Variants in KCNQ3 observed in about 807,000 individuals in gnomAD.
KCNQ3 encodes potassium voltage-gated channel subfamily KQT member 3.
Under a neutral mutation model 92.5 loss-of-function variants are expected in KCNQ3, and 30 were observed. That is an observed-to-expected ratio of 0.32 (90% CI 0.24 to 0.44). The LOEUF is 0.44. Among genes scored for constraint, KCNQ3 ranks in the 20% least tolerant of loss-of-function variants. The pLI, the probability that KCNQ3 is intolerant of heterozygous loss-of-function variation, is 1.00. For synonymous variants in KCNQ3, 450 were observed against 468.8 expected, an observed-to-expected ratio of 0.96 and a Z score of 0.52; for missense variants, 913 against 1,140.3, an observed-to-expected ratio of 0.80 and a Z score of 2.87.
chr8:132,301,260 C>A (rs995737452), intron 1 of KCNQ3, among the ~76,000 whole-genome samples: 1 of 152,108 alleles, frequency 6.6e-6, no homozygotes, highest in African/African-American at 2.4e-5. Context: ...TCTGGCTCAC[C>A]CATCCGACTG....
Position 132,480,269 on chromosome 8 carries a change from C to G in KCNQ3, c.264G>C (p.Leu88=). The G allele has an allele frequency of 6.2e-7, 1 of 1,611,812 alleles. No homozygotes were observed. Among genetic ancestry groups the G allele is most frequent in the Non-Finnish European group, 8.5e-7 (1 of 1,178,936 alleles). The change falls in exon 1 of 15, where the codon CTG becomes CTC. Residue 88 remains leucine (L), a synonymous_variant. Transcript: ENST00000388996. ...CTGGGCGGCTCAGCGGGGTCTTGGC[C>G]AGGAGCCCGATGCCCTGCGGGGTCC... ...QRRTPQGIGL[L]AKTPLSRPVK... is the part of the protein sequence containing the mutation.
intron 1 of KCNQ3, among the ~76,000 whole-genome samples, chr8:132,373,663 C>A (rs1302550090): frequency 2.0e-5 from 3 of 152,152 alleles, no homozygotes; most frequent in African/African-American, 4.8e-5. Context: ...GTCAATTCTG[C>A]CCCTGCTTGC....
chr8:132,314,151 G>A (rs976551727), intron 1 of KCNQ3, among the ~76,000 whole-genome samples: 9 of 152,206 alleles, frequency 5.9e-5, no homozygotes, highest in African/African-American at 2.2e-4. Flanking sequence ...AGACAAGGCT[G>A]TGAAGTGGCT....
chr8:132,231,455 T>C (rs929079793), intron 1 of KCNQ3, among the ~76,000 whole-genome samples: 2 of 152,180 alleles, frequency 1.3e-5, no homozygotes, highest in African/African-American at 4.8e-5. Flanking sequence ...GATTTAAATA[T>C]AGGGATTTGG....
chr8:132,187,807 ATGG>A (rs1166642331), intron 1 of KCNQ3, among the ~76,000 whole-genome samples: 132 of 120,566 alleles, frequency 1.1e-3, no homozygotes, highest in South Asian at 3.5e-3. Flanking sequence ...GGTGATAGTG[ATGG>A]TGGTGGTGGT....
At chr8:132,426,479 A>G (rs778356768) in intron 1 of KCNQ3, among the ~76,000 whole-genome samples, 8 of 152,138 alleles carry the variant, frequency 5.3e-5, no homozygotes, top group Non-Finnish European at 1.0e-4. Context: ...CCCACATGCA[A>G]TCCTCATGGG....
At chr8:132,438,112 CA>C (rs1241648206) in intron 1 of KCNQ3, among the ~76,000 whole-genome samples, 1 of 152,156 alleles carries the variant, frequency 6.6e-6, no homozygotes, top group Non-Finnish European at 1.5e-5. Flanking sequence ...TGTAAGGACT[CA>C]ATTATTAGGT....
At chr8:132,303,311 G>A (rs1817281519) in intron 1 of KCNQ3, among the ~76,000 whole-genome samples, 1 of 151,724 alleles carries the variant, frequency 6.6e-6, no homozygotes, top group Non-Finnish European at 1.5e-5. Flanking sequence ...CTCAGTTCCT[G>A]TCCTCAAAGA....
rs1181456920 is a variant in KCNQ3, at chr8:132,454,936, T to C, written c.386+25211A>G. Among the ~76,000 whole-genome samples the C allele has an allele frequency of 2.0e-5, 3 of 150,084 alleles. No individual in the cohort carries two copies. The South Asian group carries it at 6.2e-4, about 31-fold the overall frequency. On this transcript the variant is annotated intron_variant, in intron 1 of 14. Coordinates refer to ENST00000388996, the MANE Select transcript of KCNQ3 (RefSeq NM_004519.4). ...GCCAGTCACAAAACAACAAATATTC[T>C]ATGATTCCATTCATAAGAGGTATTT...
intron 1 of KCNQ3, among the ~76,000 whole-genome samples, chr8:132,345,632 G>T (rs546161372): frequency 6.6e-6 from 1 of 152,294 alleles, no homozygotes; most frequent in Admixed American, 6.5e-5. Flanking sequence ...TTTCCAACTG[G>T]GGAATGTTTT....
At chr8:132,172,435 C>CAG (rs71306375) in intron 7 of KCNQ3, among the ~76,000 whole-genome samples, 163 bp downstream of exon 7, 1 of 145,828 alleles carries the variant, frequency 6.9e-6, no homozygotes, top group African/African-American at 2.5e-5. Context: ...CACACACACA[C>CAG]AGACACACAA....
In KCNQ3 at chr8:132,140,174, G is replaced by A. The variant is rs765705898; in HGVS notation, c.1470C>T (p.Ala490=). 12 of 1,612,022 alleles carry A rather than the reference G, an allele frequency of 7.4e-6. No homozygotes were observed. In the Middle Eastern group the frequency reaches 5.0e-4, roughly 67 times the overall value. Reference sequence around the variant, plus strand: ...CTTCCGCCATGGGGTCACCTGTCCCGGCATCTGGGAGGGAGACACACATAT... The same window carrying A: ...CTTCCGCCATGGGGTCACCTGTCCCAGCATCTGGGAGGGAGACACACATAT... The part of the protein sequence containing the change: ...AYAFWQSSED[A]GTGDPMAEDR... The change falls in exon 11 of 15, where the codon GCC becomes GCT. Residue 490 remains alanine, a synonymous_variant. Coordinates refer to ENST00000388996, the MANE Select transcript of KCNQ3 (RefSeq NM_004519.4).
At chr8:132,332,002 C>A (rs1231686366) in intron 1 of KCNQ3, among the ~76,000 whole-genome samples, 1 of 152,188 alleles carries the variant, frequency 6.6e-6, no homozygotes, top group Non-Finnish European at 1.5e-5. Flanking sequence ...TGTGCAATCC[C>A]CTCCCCTTGA....
At chr8:132,237,287 C>CATG (rs1563818842) in intron 1 of KCNQ3, among the ~76,000 whole-genome samples, 1 of 151,868 alleles carries the variant, frequency 6.6e-6, no homozygotes, top group East Asian at 1.9e-4. Flanking sequence ...TGATGATAAT[C>CATG]ATGATGATGA....
chr8:132,373,497 G>C (rs1819529533), intron 1 of KCNQ3, among the ~76,000 whole-genome samples: 1 of 151,494 alleles, frequency 6.6e-6, no homozygotes. Flanking sequence ...GTACTTCTTT[G>C]TCTAATTCTC....
At chr8:132,393,443 G>A (rs190736118) in intron 1 of KCNQ3, among the ~76,000 whole-genome samples, 75 of 152,240 alleles carry the variant, frequency 4.9e-4, no homozygotes, top group African/African-American at 1.6e-3. Context: ...AAGCTGCCAC[G>A]GACAACATGT....
At chr8:132,303,806 A>G (rs1355396849) in intron 1 of KCNQ3, among the ~76,000 whole-genome samples, 1 of 149,384 alleles carries the variant, frequency 6.7e-6, no homozygotes, top group Non-Finnish European at 1.5e-5. Flanking sequence ...ATGTGTGTAT[A>G]GATATACACA....
intron 1 of KCNQ3, among the ~76,000 whole-genome samples, chr8:132,284,646 T>C (rs1001627313): frequency 6.6e-6 from 1 of 152,204 alleles, no homozygotes; most frequent in Non-Finnish European, 1.5e-5. Flanking sequence ...TATAAGTATC[T>C]TTCCAAGGAA....
At chr8:132,246,111 G>C (rs914431690) in intron 1 of KCNQ3, among the ~76,000 whole-genome samples, 1 of 152,116 alleles carries the variant, frequency 6.6e-6, no homozygotes, top group Non-Finnish European at 1.5e-5. Context: ...TTCCACACGG[G>C]GCATGGCCAG....
Sources: allele counts gnomAD v4.1 joint callset (sites outside exome capture counted in the v4.1 genomes callset), GRCh38; gene constraint gnomAD v4.1.1; transcripts MANE v1.5; gene names NCBI Gene and HGNC (gene_info 2026-07-23, HGNC 2026-07-21).